TXN2: variants seen among roughly 807,000 people sequenced by gnomAD.
TXN2 encodes thioredoxin 2.
In TXN2, 12 loss-of-function variants were observed where a neutral mutation model predicts 14.6. The observed-to-expected ratio is 0.82, with a 90% confidence interval of 0.53 to 1.33. The LOEUF (loss-of-function observed/expected upper bound fraction) is 1.33. Among genes scored for constraint, TXN2 ranks in the 40% most tolerant of loss-of-function variants. The probability of loss-of-function intolerance (pLI) is 0.00; values close to 1 mark genes in which losing one functional copy is unlikely to be tolerated. For synonymous variants in TXN2, 89 were observed against 81.0 expected (o/e 1.10, Z -0.53); for missense variants, 173 against 207.7 (o/e 0.83, Z 1.03).
chr22:36,471,013 G>T (rs748874449), intron 3 of TXN2, among the ~76,000 whole-genome samples: 2 of 152,092 alleles, frequency 1.3e-5, no homozygotes, highest in Non-Finnish European at 2.9e-5. Flanking sequence ...CGCACTAGGG[G>T]CTCACAGGAA....
chr22:36,479,070 T>C (rs1389365819), intron 2 of TXN2, among the ~76,000 whole-genome samples: 1 of 152,100 alleles, frequency 6.6e-6, no homozygotes, highest in African/African-American at 2.4e-5. Context: ...GAGACTGCAG[T>C]GAGCCGTGAT....
At chr22:36,480,480 T>C (rs1378997506) in intron 2 of TXN2, 95 bp downstream of exon 2, 42 of 1,500,778 alleles carry the variant, frequency 2.8e-5, no homozygotes, top group Non-Finnish European at 3.8e-5. Context: ...AGTCTACATA[T>C]GAGCAGCATA....
intron 2 of TXN2, among the ~76,000 whole-genome samples, chr22:36,479,010 C>T (rs1288991285): frequency 1.3e-5 from 2 of 152,052 alleles, no homozygotes; most frequent in Non-Finnish European, 2.9e-5. Flanking sequence ...GCCTGTAATC[C>T]TAGCACTTTG....
intron 3 of TXN2, among the ~76,000 whole-genome samples, chr22:36,471,416 C>A (rs1159565005): frequency 1.3e-5 from 2 of 152,204 alleles, no homozygotes; most frequent in Non-Finnish European, 2.9e-5. Flanking sequence ...CTGTCCCACC[C>A]CGATGGCATC....
intron 2 of TXN2, among the ~76,000 whole-genome samples, chr22:36,477,118 T>C (rs1448404367): frequency 6.6e-6 from 1 of 152,222 alleles, no homozygotes; most frequent in African/African-American, 2.4e-5. Context: ...CAGATAAATA[T>C]ACTGTCATAT....
intron 3 of TXN2, among the ~76,000 whole-genome samples, chr22:36,475,808 G>C (rs2145824782): frequency 6.6e-6 from 1 of 152,292 alleles, no homozygotes; most frequent in East Asian, 1.9e-4. Context: ...TGAATAAACA[G>C]ACAAACCAAC....
chr22:36,468,401 T>C (rs1465783059), intron 3 of TXN2, among the ~76,000 whole-genome samples: 3 of 152,202 alleles, frequency 2.0e-5, no homozygotes, highest in Admixed American at 6.5e-5. Context: ...GGGTAATGTC[T>C]ACCTTTAGGG....
intron 2 of TXN2, among the ~76,000 whole-genome samples, chr22:36,479,750 A>G (rs1190140934): frequency 6.6e-6 from 1 of 152,228 alleles, no homozygotes; most frequent in Non-Finnish European, 1.5e-5. Flanking sequence ...AGATCTAGAA[A>G]TGAAAAAGCC....
chr22:36,476,841 G>T lies in TXN2; in HGVS notation c.279C>A (p.Cys93Ter), dbSNP rs745746848. ...VDFHAQWCGPCKILGPRLEKM... is the reference protein window; with the variant it reads ...VDFHAQWCGP ...TCTCTAACCTCGGCCCCAGGATCTTGCAGGGTCCACACCACCTCAAAAGGC... is the reference window on the plus strand; with the variant it reads ...TCTCTAACCTCGGCCCCAGGATCTTTCAGGGTCCACACCACCTCAAAAGGC... Residue 93 changes from cysteine to a stop codon, truncating the protein, a stop_gained, in exon 3 of 4, where the codon TGC becomes TGA. Transcript: ENST00000216185. LOFTEE classifies it high-confidence loss of function. 99 of 1,614,050 alleles carry T rather than the reference G, an allele frequency of 6.1e-5. No individual in the cohort carries two copies. Among genetic ancestry groups the T allele is most frequent in the Non-Finnish European group, 8.1e-5 (96 of 1,180,040 alleles).
Position 36,480,513 on chromosome 22 carries a change from A to C in TXN2, c.263+62T>G, listed in dbSNP as rs377304466. 154 of 1,573,122 alleles carry C rather than the reference A, an allele frequency of 9.8e-5. No individual in the cohort carries two copies. The African/African-American group carries it at 1.9e-3, about 19-fold the overall frequency. ...ATAGAACATGGCCGTGGGACACAGC[A>C]GGCATTCAATAAATACTTGAACAAG... On this transcript the variant is annotated intron_variant, in intron 2 of 3. Transcript: ENST00000216185.
At chr22:36,475,496 A>T (rs1933367874) in intron 3 of TXN2, among the ~76,000 whole-genome samples, 1 of 152,252 alleles carries the variant, frequency 6.6e-6, no homozygotes, top group Admixed American at 6.5e-5. Context: ...CACAGGCCCA[A>T]TACAGCCTAC....
intron 3 of TXN2, among the ~76,000 whole-genome samples, chr22:36,473,391 C>T (rs986688025): frequency 5.9e-5 from 9 of 152,096 alleles, no homozygotes; most frequent in South Asian, 4.1e-4. Flanking sequence ...TGCAGTGAAC[C>T]GAGATCGTGC....
intron 3 of TXN2, among the ~76,000 whole-genome samples, chr22:36,474,519 T>C (rs1933347892): frequency 6.6e-6 from 1 of 152,146 alleles, no homozygotes; most frequent in African/African-American, 2.4e-5. Context: ...AAGCGGCCTC[T>C]TTCATTCACT....
At chr22:36,474,163 G>GCAAT (rs1933340238) in intron 3 of TXN2, among the ~76,000 whole-genome samples, 1 of 152,212 alleles carries the variant, frequency 6.6e-6, no homozygotes, top group Non-Finnish European at 1.5e-5. Flanking sequence ...CCCTCACTGA[G>GCAAT]CAATCAGTGG....
At chr22:36,474,515 C>T (rs968973217) in intron 3 of TXN2, among the ~76,000 whole-genome samples, 25 of 152,098 alleles carry the variant, frequency 1.6e-4, no homozygotes, top group Non-Finnish European at 3.4e-4. Context: ...AATAAAGCGG[C>T]CTCTTTCATT....
rs1176172919 is a variant in TXN2 at position 36,467,923 on chromosome 22, T to C, written c.388-6A>G. 1 of 1,613,254 alleles carries C rather than the reference T, an allele frequency of 6.2e-7. No homozygotes were observed. Among genetic ancestry groups the C allele is most frequent in the South Asian group, 1.1e-5 (1 of 91,066 alleles). ...ACAGTGGGCACCGCTGACACCTGGG[T>C]GGAGAGGACAAGGGGGTCCAAGTGA... is the stretch of plus-strand genomic sequence containing the variant. On this transcript the variant is annotated splice_polypyrimidine_tract_variant and splice_region_variant and intron_variant, in intron 3 of 3. Coordinates refer to ENST00000216185, the MANE Select transcript of TXN2 (RefSeq NM_012473.4).
At chr22:36,479,621 T>C (rs1210543425) in intron 2 of TXN2, among the ~76,000 whole-genome samples, 1 of 151,864 alleles carries the variant, frequency 6.6e-6, no homozygotes, top group Non-Finnish European at 1.5e-5. Context: ...TGTGAGCCAC[T>C]GCGTCCGACC....
At position 36,469,041 on chromosome 22, in the gene TXN2, C is replaced by CATAAATAA. The variant is rs569570066; in HGVS notation, c.388-1132_388-1125dup. On this transcript the variant is annotated intron_variant, in intron 3 of 3. Transcript: ENST00000216185. ...TGGGTGACAGAGTGAGACTCCATCT[C>CATAAATAA]ATAAATAAATAAATAAATAAATAAA... Among the ~76,000 whole-genome samples, 811 of 146,478 alleles carry CATAAATAA rather than the reference C, an allele frequency of 5.5e-3. 5 individuals carry two copies. The highest frequency in any genetic ancestry group is 0.017 in the African/African-American group (640 of 36,940).
Position 36,473,354 on chromosome 22 carries a change from A to G in TXN2, c.387+3379T>C, listed in dbSNP as rs1162871246. On this transcript the variant is annotated intron_variant, in intron 3 of 3. Coordinates refer to ENST00000216185, the MANE Select transcript of TXN2 (RefSeq NM_012473.4). ...GCTACTCGGGAGGCTGAGGCAGGAGAATCGCTTGAACCTGAGAAGCGGAGG... is the reference window on the plus strand; with the variant it reads ...GCTACTCGGGAGGCTGAGGCAGGAGGATCGCTTGAACCTGAGAAGCGGAGG... 2.0e-5 allele frequency among the ~76,000 whole-genome samples: 3 copies of G among 152,152 alleles called. No individual in the cohort carries two copies. The East Asian group carries it at 5.8e-4, about 29-fold the overall frequency.
Sources: allele counts gnomAD v4.1 joint callset (sites outside exome capture counted in the v4.1 genomes callset), GRCh38; gene constraint gnomAD v4.1.1; transcripts MANE v1.5; gene names NCBI Gene and HGNC (gene_info 2026-07-23, HGNC 2026-07-21).